SVIL: variants seen among roughly 807,000 people sequenced by gnomAD.
SVIL encodes the protein supervillin.
Under a neutral mutation model 240.4 loss-of-function variants are expected in SVIL, and 101 were observed. The ratio of observed to expected loss-of-function variants is 0.42; its 90% confidence interval spans 0.36 to 0.50. The LOEUF is 0.50. SVIL is among the 20% of genes least tolerant of loss of function. The pLI, the probability that SVIL is intolerant of heterozygous loss-of-function variation, is 0.01. For synonymous variants in SVIL, 999 were observed against 1,100.0 expected (o/e 0.91, Z 1.82); for missense variants, 2,512 against 2,818.7 (o/e 0.89, Z 2.46).
At chr10:29,671,929 T>G (rs970406285) in intron 2 of SVIL, among the ~76,000 whole-genome samples, 1 of 152,200 alleles carries the variant, frequency 6.6e-6, no homozygotes, top group African/African-American at 2.4e-5. Flanking sequence ...TGGGTCAGTC[T>G]GAATCTCTAT....
intron 1 of SVIL, among the ~76,000 whole-genome samples, chr10:29,596,769 C>T (rs1445699429): frequency 2.6e-5 from 4 of 152,246 alleles, no homozygotes; most frequent in Non-Finnish European, 4.4e-5. Flanking sequence ...TCCATTTGTA[C>T]AGCATTTCAC....
At chr10:29,544,569 A>G (rs1396536711) in intron 6 of SVIL, among the ~76,000 whole-genome samples, 1 of 152,056 alleles carries the variant, frequency 6.6e-6, no homozygotes, top group East Asian at 1.9e-4. Context: ...AGCCTGGGCA[A>G]CATTGTGAAA....
At chr10:29,591,521 T>C (rs1052158910) in intron 1 of SVIL, among the ~76,000 whole-genome samples, 1 of 152,232 alleles carries the variant, frequency 6.6e-6, no homozygotes, top group African/African-American at 2.4e-5. Flanking sequence ...TAAAACCTGA[T>C]GCAATCCTGT....
At chr10:29,528,369 G>C (rs1197303093) in intron 12 of SVIL, among the ~76,000 whole-genome samples, 1 of 152,102 alleles carries the variant, frequency 6.6e-6, no homozygotes, top group Non-Finnish European at 1.5e-5. Flanking sequence ...TAACCTAATG[G>C]GATGAACTAT....
intron 3 of SVIL, among the ~76,000 whole-genome samples, chr10:29,654,820 G>A (rs913835951): frequency 6.6e-6 from 1 of 152,200 alleles, no homozygotes; most frequent in Non-Finnish European, 1.5e-5. Flanking sequence ...GGGGCCACTG[G>A]TGCACATGCC....
chr10:29,606,906 C>A (rs910162471), intron 1 of SVIL, among the ~76,000 whole-genome samples: 1 of 152,166 alleles, frequency 6.6e-6, no homozygotes, highest in Non-Finnish European at 1.5e-5. Flanking sequence ...AGCCACGTGC[C>A]ACCACACCCG....
intron 1 of SVIL, among the ~76,000 whole-genome samples, chr10:29,573,034 C>T (rs763455255): frequency 2.6e-5 from 4 of 151,582 alleles, no homozygotes; most frequent in South Asian, 2.1e-4. Context: ...ATTTTCCTGT[C>T]GCTTGCTTTT....
At chr10:29,536,219 A>C (rs1951733027) in intron 6 of SVIL, 150 bp from the exon 7 acceptor site, 1 of 731,792 alleles carries the variant, frequency 1.4e-6, no homozygotes, top group Admixed American at 2.6e-5. Context: ...ACACATGGTC[A>C]CAAAGAGGGA....
At chr10:29,612,338 T>C (rs539837453) in intron 1 of SVIL, among the ~76,000 whole-genome samples, 27 of 152,334 alleles carry the variant, frequency 1.8e-4, no homozygotes, top group African/African-American at 6.5e-4. Flanking sequence ...GTTTATCTCC[T>C]TTCTAGCTTC....
In SVIL at chr10:29,523,821, C is replaced by A. The variant is rs144617375; in HGVS notation, c.2793G>T (p.Trp931Cys). 8.7e-6 allele frequency: 14 copies of A among 1,614,074 alleles called. No individual in the cohort carries two copies. Among genetic ancestry groups the A allele is most frequent in the Non-Finnish European group, 1.2e-5 (14 of 1,180,042 alleles). ...TCTCGCTACCCTCTACCAAAGGCTG[C>A]CAAGCTTGCGATTTCAGAATGCTTC... is the stretch of plus-strand genomic sequence containing the variant. Reference protein sequence around the residue: ...PVRSILKSQAWQPLVEGSENK... With the variant: ...PVRSILKSQACQPLVEGSENK... The change falls in exon 15 of 38, where the codon TGG becomes TGT. Residue 931 changes from tryptophan to cysteine, a missense_variant. By Grantham distance (215) the Trp-to-Cys change is radical. Coordinates refer to ENST00000355867, the MANE Select transcript of SVIL (RefSeq NM_021738.3).
Position 29,490,829 on chromosome 10 carries a change from G to A in SVIL, c.4192+18C>T. Reference sequence around the variant, plus strand: ...CCATTCCCAAACACAGAAGCAGGGTGGGGGTTCAAATACTCACTCTTTTCT... The same window carrying A: ...CCATTCCCAAACACAGAAGCAGGGTAGGGGTTCAAATACTCACTCTTTTCT... On this transcript the variant is annotated intron_variant, in intron 22 of 37. Transcript: ENST00000355867. 2 of 1,612,386 alleles carry A rather than the reference G, an allele frequency of 1.2e-6. No individual in the cohort carries two copies. The highest frequency in any genetic ancestry group is 1.1e-5 in the South Asian group (1 of 90,972).
intron 34 of SVIL, 103 bp downstream of exon 34, chr10:29,465,492 T>G (rs937571240): frequency 1.4e-6 from 2 of 1,418,392 alleles, no homozygotes; most frequent in Non-Finnish European, 1.9e-6. Flanking sequence ...GGGAATGTAC[T>G]TGGCAAACAG....
chr10:29,600,386 C>T (rs1956765914), intron 1 of SVIL, among the ~76,000 whole-genome samples: 2 of 152,190 alleles, frequency 1.3e-5, no homozygotes, highest in African/African-American at 4.8e-5. Flanking sequence ...TCTTAACCTT[C>T]CCATGCCCCT....
intron 1 of SVIL, among the ~76,000 whole-genome samples, chr10:29,574,286 T>C (rs982989805): frequency 2.6e-5 from 4 of 152,224 alleles, no homozygotes; most frequent in Admixed American, 2.6e-4. Flanking sequence ...TAAAACTGTG[T>C]GCCTGGGAGA....
intron 2 of SVIL, among the ~76,000 whole-genome samples, chr10:29,664,582 T>C (rs573281349): frequency 3.3e-5 from 5 of 152,244 alleles, no homozygotes; most frequent in East Asian, 1.9e-4. Context: ...ATAACTGTTG[T>C]TATTTGAACA....
At chr10:29,703,418 G>A (rs375996784) in intron 1 of SVIL, among the ~76,000 whole-genome samples, 13 of 152,242 alleles carry the variant, frequency 8.5e-5, no homozygotes, top group African/African-American at 2.6e-4. Flanking sequence ...CTTGACAATC[G>A]CATCTTCCAC....
chr10:29,732,014 C>T (rs979477335), intron 1 of SVIL, among the ~76,000 whole-genome samples: 5 of 152,230 alleles, frequency 3.3e-5, no homozygotes, highest in African/African-American at 7.2e-5. Context: ...TGCCCTGCAG[C>T]GGCTTCTTTC....
At chr10:29,509,764 C>T (rs1290553192) in intron 17 of SVIL, among the ~76,000 whole-genome samples, 1 of 152,106 alleles carries the variant, frequency 6.6e-6, no homozygotes, top group Non-Finnish European at 1.5e-5. Flanking sequence ...GCAGGAGAAT[C>T]ACTTGAACCC....
chr10:29,595,216 A>G (rs1443605703), intron 1 of SVIL, among the ~76,000 whole-genome samples: 1 of 152,226 alleles, frequency 6.6e-6, no homozygotes, highest in African/African-American at 2.4e-5. Flanking sequence ...TGTGATTCTC[A>G]TGAGTGGGGC....
Sources: gnomAD v4.1 joint callset for allele counts (sites outside exome capture counted in the v4.1 genomes callset) on GRCh38, gnomAD v4.1.1 for gene constraint, MANE v1.5 for transcripts, NCBI Gene and HGNC (gene_info 2026-07-23, HGNC 2026-07-21) for gene names.